The following MAX variants were observed in gnomAD, a reference collection of about 807,000 sequenced individuals.
MAX encodes MYC associated transcriptional regulator X.
A neutral mutation model predicts 22.3 loss-of-function variants in MAX; 3 were observed. The observed-to-expected ratio is 0.13, with a 90% CI of 0.06 to 0.35. The LOEUF is 0.35. Among genes scored for constraint, MAX ranks in the 10% least tolerant of loss-of-function variants. The probability of loss-of-function intolerance (pLI) is 1.00; values close to 1 mark genes in which losing one functional copy is unlikely to be tolerated. For missense variants in MAX, 119 were observed against 209.4 expected, an observed-to-expected ratio of 0.57 and a Z score of 2.66; for synonymous variants, 72 against 77.7, an observed-to-expected ratio of 0.93 and a Z score of 0.39.
Position 65,053,625 on chromosome 14 carries a change from T to TAAAAAAAAAACAAAAAA in MAX, c.171+40082_171+40083insTTTTTTGTTTTTTTTTT, listed in dbSNP as rs201558638. Among the ~76,000 whole-genome samples the TAAAAAAAAAACAAAAAA allele has an allele frequency of 3.4e-4, 50 of 146,302 alleles. 1 individual carries two copies. The highest frequency in any genetic ancestry group is 1.3e-3 in the African/African-American group (48 of 37,090). On this transcript the variant is annotated intron_variant, in intron 3 of 3. Coordinates refer to the MAX transcript ENST00000341653. ...GCTGGGTAGATAACTCTTCTTTTTT[T>TAAAAAAAAAACAAAAAA]TAAAAAAAACAAAAAAAAACTGATC... is the stretch of plus-strand genomic sequence containing the variant.
chr14:65,016,375 C>T (rs1214534600), intron 3 of MAX: 1 of 152,212 alleles, frequency 6.6e-6, no homozygotes, highest in East Asian at 1.9e-4. Flanking sequence ...GACTCCAGTC[C>T]TAGGGATACC....
intron 2 of MAX, among the ~76,000 whole-genome samples, chr14:65,100,774 A>G (rs1434498890): frequency 1.3e-5 from 2 of 152,204 alleles, no homozygotes; most frequent in African/African-American, 4.8e-5. Flanking sequence ...TGAAACATCC[A>G]TATTACTGTC....
intron 3 of MAX, among the ~76,000 whole-genome samples, chr14:65,050,473 C>T (rs2062581917): frequency 6.6e-6 from 1 of 152,030 alleles, no homozygotes; most frequent in Non-Finnish European, 1.5e-5. Flanking sequence ...TACCTGTAAT[C>T]CAAGGTACTC....
At chr14:65,019,286 A>T (rs2061842845) in intron 3 of MAX, among the ~76,000 whole-genome samples, 1 of 152,214 alleles carries the variant, frequency 6.6e-6, no homozygotes, top group Non-Finnish European at 1.5e-5. Flanking sequence ...CAGGAGTTCG[A>T]GACCAGTCTG....
intron 3 of MAX, among the ~76,000 whole-genome samples, chr14:65,037,308 T>A (rs1484042997): frequency 6.7e-6 from 1 of 150,332 alleles, no homozygotes; most frequent in African/African-American, 2.4e-5. Flanking sequence ...TTTACCATGT[T>A]GGCCAGGCTG....
intron 3 of MAX, among the ~76,000 whole-genome samples, chr14:65,024,482 T>C (rs1413051556): frequency 1.3e-5 from 2 of 152,198 alleles, no homozygotes; most frequent in Non-Finnish European, 2.9e-5. Context: ...CTGTATTCTT[T>C]TATTAGCTTT....
At chr14:65,050,481 C>G (rs1190674794) in intron 3 of MAX, among the ~76,000 whole-genome samples, 1 of 152,224 alleles carries the variant, frequency 6.6e-6, no homozygotes, top group African/African-American at 2.4e-5. Flanking sequence ...ATCCAAGGTA[C>G]TCAGGAGGCT....
rs562168283 is a variant in MAX at position 65,017,657 on chromosome 14, T to G, written c.172-11373A>C. On this transcript the variant is annotated intron_variant, in intron 3 of 3. Transcript: ENST00000341653. ...AACAGTAGAGAATGTTTAAAAAAAA[T>G]TTTTTTTAAATGTAAAGCTGGGTGT... Among the ~76,000 whole-genome samples, 6 of 152,156 alleles carry G rather than the reference T, an allele frequency of 3.9e-5. No homozygotes were observed. In the East Asian group the frequency reaches 1.2e-3, roughly 29 times the overall value.
At chr14:65,072,776 G>A (rs569181860), downstream of MAX, among the ~76,000 whole-genome samples, 2 of 152,276 alleles carry the variant, frequency 1.3e-5, no homozygotes, top group East Asian at 1.9e-4. Flanking sequence ...GTGGTGGGAG[G>A]GAATGGGCAG....
chr14:65,089,019 G>T (rs1208076718), intron 3 of MAX, among the ~76,000 whole-genome samples: 1 of 152,146 alleles, frequency 6.6e-6, no homozygotes, highest in Admixed American at 6.5e-5. Context: ...TGCTCAGCAT[G>T]TTATCTCATT....
chr14:65,020,221 G>A (rs78339233), intron 3 of MAX, among the ~76,000 whole-genome samples: 3,504 of 152,310 alleles, frequency 0.023, 147 homozygotes, highest in African/African-American at 0.08. Context: ...CCAGCAAGGC[G>A]AGGTTGTTAC....
Position 65,032,613 on chromosome 14 carries a change from C to T in MAX, c.172-26329G>A, listed in dbSNP as rs776927907. ...TTTCCCGTTTCTGTCTTTCCAGAAG[C>T]GCATACTGTGCTGCCTCCGTAGCCT... On this transcript the variant is annotated intron_variant, in intron 3 of 3. Transcript: ENST00000341653. This position sits in a 1 kb window ranked among gnomAD's most constrained non-coding sequence, Gnocchi z 5.0. The T allele has an allele frequency of 1.3e-5, 21 of 1,613,516 alleles. No individual in the cohort carries two copies. The highest frequency in any genetic ancestry group is 3.3e-5 in the Admixed American group (2 of 59,964).
intron 3 of MAX, among the ~76,000 whole-genome samples, chr14:65,066,131 C>T (rs1424507913): frequency 6.6e-6 from 1 of 152,214 alleles, no homozygotes; most frequent in Non-Finnish European, 1.5e-5. Context: ...CCATCTGTCA[C>T]TAGGTCAGGG....
At chr14:65,024,460 A>G (rs1056958297) in intron 3 of MAX, among the ~76,000 whole-genome samples, 1 of 152,240 alleles carries the variant, frequency 6.6e-6, no homozygotes, top group Admixed American at 6.5e-5. Context: ...CCACCTCAGC[A>G]GGACTGGGTC....
intron 3 of MAX, among the ~76,000 whole-genome samples, chr14:65,092,235 C>G (rs528404625): frequency 2.0e-5 from 3 of 152,172 alleles, no homozygotes; most frequent in Non-Finnish European, 4.4e-5. Flanking sequence ...AGGTTTCCAT[C>G]CAGAAAGGCT....
At chr14:65,038,299 A>G (rs1024075139) in intron 3 of MAX, among the ~76,000 whole-genome samples, 1 of 151,690 alleles carries the variant, frequency 6.6e-6, no homozygotes, top group African/African-American at 2.4e-5. Flanking sequence ...AATCCCAGCT[A>G]CTCGGGAGGC....
In MAX at chr14:65,054,648, A is replaced by G. The variant is rs768909472; in HGVS notation, c.171+39060T>C. 3.7e-6 allele frequency: 6 copies of G among 1,613,324 alleles called. No homozygotes were observed. Among genetic ancestry groups the G allele is most frequent in the Non-Finnish European group, 5.1e-6 (6 of 1,179,722 alleles). ...AGCCCAGCACTTCGGCAGCGGAGCC[A>G]TGTTGCATGATGTGGTCCTGGGTGT... On this transcript the variant is annotated intron_variant, in intron 3 of 3. Transcript: ENST00000341653. This position sits in a 1 kb window ranked among gnomAD's most constrained non-coding sequence, Gnocchi z 4.4.
chr14:65,101,485 G>C (rs2139962153), intron 2 of MAX, 61 bp downstream of exon 2: 1 of 1,415,736 alleles, frequency 7.1e-7, no homozygotes, highest in Non-Finnish European at 9.9e-7. Flanking sequence ...TTTTCTCTCT[G>C]ACCCCAAAAA....
Position 65,100,780 on chromosome 14 carries a change from CTG to C in MAX, c.63+764_63+765del, listed in dbSNP as rs1477567875. The stretch of plus-strand genomic sequence containing the variant: ...ATCTATTCATGAAACATCCATATTA[CTG>C]TCTCAGACTCCAAAGACATGGAATT... On this transcript the variant is annotated intron_variant, in intron 2 of 4. Transcript: ENST00000358664. Among the ~76,000 whole-genome samples, 3 of 152,188 alleles carry C rather than the reference CTG, an allele frequency of 2.0e-5. No homozygotes were observed. The East Asian group carries it at 5.8e-4, about 29-fold the overall frequency.
Sources: allele counts gnomAD v4.1 joint callset (sites outside exome capture counted in the v4.1 genomes callset), GRCh38; gene constraint gnomAD v4.1.1; non-coding constraint Gnocchi (gnomAD v3.1); transcripts MANE v1.5; gene names NCBI Gene and HGNC (gene_info 2026-07-23, HGNC 2026-07-21).